Variants in OSBPL9 observed in about 807,000 individuals in gnomAD.
OSBPL9 encodes oxysterol-binding protein-related protein 9.
Under a neutral mutation model 106.6 loss-of-function variants are expected in OSBPL9, and 40 were observed. The ratio of observed to expected loss-of-function variants is 0.38; its 90% CI spans 0.29 to 0.49. The LOEUF is 0.49. Among genes scored for constraint, OSBPL9 ranks in the 20% least tolerant of loss-of-function variants. The pLI is 0.97. For missense variants in OSBPL9, 609 were observed against 887.2 expected (o/e 0.69, Z 3.98); for synonymous variants, 269 against 295.4 (o/e 0.91, Z 0.92).
upstream of OSBPL9, among the ~76,000 whole-genome samples, chr1:51,613,334 T>C (rs1381964516): frequency 2.0e-5 from 3 of 152,240 alleles, no homozygotes; most frequent in African/African-American, 4.8e-5. Flanking sequence ...ATCAAGTTTC[T>C]ATAGGAAGTG....
At chr1:51,625,530 T>C (rs544866339) in intron 1 of OSBPL9, among the ~76,000 whole-genome samples, 21 of 151,300 alleles carry the variant, frequency 1.4e-4, no homozygotes, top group Admixed American at 5.9e-4. Context: ...TCTTCTTCTT[T>C]TTTTTTTTTT....
chr1:51,672,644 C>T (rs1650173018), intron 3 of OSBPL9, among the ~76,000 whole-genome samples: 1 of 152,134 alleles, frequency 6.6e-6, no homozygotes, highest in Non-Finnish European at 1.5e-5. Context: ...TTTTAAGATT[C>T]ATCTATGTTG....
chr1:51,631,519 C>A (rs879356496), intron 1 of OSBPL9, among the ~76,000 whole-genome samples: 4 of 151,488 alleles, frequency 2.6e-5, no homozygotes, highest in Non-Finnish European at 5.9e-5. Context: ...CCAGCCTAGG[C>A]AACAGAGCAA....
At chr1:51,680,819 T>C (rs2148798314) in intron 3 of OSBPL9, among the ~76,000 whole-genome samples, 1 of 152,308 alleles carries the variant, frequency 6.6e-6, no homozygotes, top group East Asian at 1.9e-4. Flanking sequence ...GATACTTAGA[T>C]TCATAAAAGA....
intron 1 of OSBPL9, among the ~76,000 whole-genome samples, chr1:51,622,029 T>A (rs933280311): frequency 5.3e-5 from 8 of 152,138 alleles, no homozygotes; most frequent in African/African-American, 1.4e-4. Context: ...TTTTTTTTTT[T>A]ATTTTAAAGA....
chr1:51,748,475 C>CAATAGTGGCAGCT, intron 7 of OSBPL9, 77 bp downstream of exon 7: 1 of 1,333,216 alleles, frequency 7.5e-7, no homozygotes, highest in Non-Finnish European at 9.8e-7. Flanking sequence ...TAAGCTGCCA[C>CAATAGTGGCAGCT]TATTGATGAC....
At chr1:51,752,112 C>T (rs1669369299) in intron 8 of OSBPL9, among the ~76,000 whole-genome samples, 1 of 152,128 alleles carries the variant, frequency 6.6e-6, no homozygotes, top group Non-Finnish European at 1.5e-5. Flanking sequence ...TTTTCCATCT[C>T]ATTTGGAATG....
intron 3 of OSBPL9, among the ~76,000 whole-genome samples, chr1:51,703,718 A>G (rs1383154965): frequency 6.6e-6 from 1 of 152,162 alleles, no homozygotes; most frequent in Non-Finnish European, 1.5e-5. Flanking sequence ...GTCTTGTGCC[A>G]GTTTTCAAAG....
intron 2 of OSBPL9, among the ~76,000 whole-genome samples, chr1:51,610,244 TTTG>T (rs113181959): frequency 0.032 from 4,860 of 150,954 alleles, 208 homozygotes; most frequent in African/African-American, 0.1. Flanking sequence ...GGAACTGATA[TTTG>T]TTGTTGTTGT....
At chr1:51,746,661 CGTATA>C (rs2149004804) in intron 5 of OSBPL9, 44 bp from the exon 6 acceptor site, 1 of 1,323,336 alleles carries the variant, frequency 7.6e-7, no homozygotes, top group Non-Finnish European at 1.1e-6. Flanking sequence ...GAATGTACAT[CGTATA>C]GTAAAGTGGC....
chr1:51,575,115 G>C (rs1645175377), upstream of OSBPL9, among the ~76,000 whole-genome samples: 2 of 152,182 alleles, frequency 1.3e-5, no homozygotes, highest in African/African-American at 2.4e-5. Context: ...GCTGGAAGAG[G>C]CCTTCAGGGT....
intron 16 of OSBPL9, 48 bp from the exon 17 acceptor site, chr1:51,782,511 C>A: frequency 6.5e-7 from 1 of 1,549,616 alleles, no homozygotes; most frequent in South Asian, 1.1e-5. Flanking sequence ...TCTGAAATGT[C>A]ATTTGTGTTT....
Position 51,721,222 on chromosome 1 carries a change from A to G in OSBPL9, c.318+7143A>G, listed in dbSNP as rs539626799. Among the ~76,000 whole-genome samples, 11 of 151,742 alleles carry G rather than the reference A, an allele frequency of 7.2e-5. No homozygotes were observed. In the South Asian group the frequency reaches 2.3e-3, roughly 32 times the overall value. Reference sequence around the variant, plus strand: ...CATGATACCTTGTATACAAGGTTATAAGAGTATACAAGGGAAAGGGAGGGC... The same window carrying G: ...CATGATACCTTGTATACAAGGTTATGAGAGTATACAAGGGAAAGGGAGGGC... On this transcript the variant is annotated intron_variant, in intron 4 of 23. Coordinates refer to ENST00000428468, the MANE Select transcript of OSBPL9 (RefSeq NM_024586.6).
intron 2 of OSBPL9, among the ~76,000 whole-genome samples, chr1:51,600,048 G>C (rs1645319376): frequency 6.6e-6 from 1 of 152,202 alleles, no homozygotes; most frequent in Non-Finnish European, 1.5e-5. Context: ...CTGCCTATTA[G>C]AGCAGGGCCC....
chr1:51,765,929 T>C lies in OSBPL9; in HGVS notation c.886T>C (p.Tyr296His), dbSNP rs973642164. ...TTACTCCAGCAGTGAAGATGAATTT[T>C]ATGATGCTGATGAATTCCATCAAAG... is the stretch of plus-strand genomic sequence containing the variant. ...FSYSSSEDEF[Y>H]DADEFHQSGS... The change falls in exon 12 of 24, where the codon TAT becomes CAT. Residue 296 changes from tyrosine to histidine, a missense_variant. Coordinates refer to ENST00000428468, the MANE Select transcript of OSBPL9 (RefSeq NM_024586.6). 6.2e-7 allele frequency: 1 copy of C among 1,614,110 alleles called. No homozygotes were observed.
chr1:51,634,750 A>G (rs1005334373), intron 1 of OSBPL9, among the ~76,000 whole-genome samples: 1 of 152,196 alleles, frequency 6.6e-6, no homozygotes, highest in African/African-American at 2.4e-5. Flanking sequence ...CATACCTGAG[A>G]CTGGGTAATC....
intron 2 of OSBPL9, among the ~76,000 whole-genome samples, chr1:51,603,778 T>C (rs1356158381): frequency 6.6e-6 from 1 of 152,188 alleles, no homozygotes; most frequent in African/African-American, 2.4e-5. Context: ...TGTCTTGGTT[T>C]GGGTTGGAGT....
intron 18 of OSBPL9, 73 bp from the exon 19 acceptor site, chr1:51,784,191 C>G (rs1677064191): frequency 6.6e-7 from 1 of 1,507,682 alleles, no homozygotes; most frequent in South Asian, 1.1e-5. Context: ...CCTGGAGTAA[C>G]CATCAGCTCG....
rs535630719 is a variant in OSBPL9 at position 51,734,166 on chromosome 1, GAGA to G, written c.319-11366_319-11364del. ...TATACATGTGCGCACGCAGGAGAGAGAGAAGAGAACTGTAGTTCCTGCCATATT... is the reference window on the plus strand; with the variant it reads ...TATACATGTGCGCACGCAGGAGAGAGAGAGAACTGTAGTTCCTGCCATATT... On this transcript the variant is annotated intron_variant, in intron 4 of 23. Transcript: ENST00000428468. Among the ~76,000 whole-genome samples the G allele has an allele frequency of 3.0e-4, 46 of 152,352 alleles. 1 individual carries two copies. The South Asian group carries it at 8.9e-3, about 29-fold the overall frequency.
Sources: gnomAD v4.1 joint callset for allele counts (sites outside exome capture counted in the v4.1 genomes callset) on GRCh38, gnomAD v4.1.1 for gene constraint, MANE v1.5 for transcripts, NCBI Gene and HGNC (gene_info 2026-07-23, HGNC 2026-07-21) for gene names.